OPTN: variants seen among roughly 807,000 people sequenced by gnomAD.
OPTN encodes the protein E3-14.7K-interacting protein.
OPTN carries 54 observed loss-of-function variants against 70.4 expected under a neutral mutation model. The ratio of observed to expected loss-of-function variants is 0.77; its 90% CI spans 0.62 to 0.96. OPTN has a LOEUF of 0.96. Among genes scored for constraint, OPTN ranks in the 40% least tolerant of loss-of-function variants. The pLI, the probability that OPTN is intolerant of heterozygous loss-of-function variation, is 0.00. For synonymous variants in OPTN, 256 were observed against 248.5 expected (o/e 1.03, Z -0.28); for missense variants, 624 against 673.2 (o/e 0.93, Z 0.81).
At chr10:13,118,024 G>GA (rs1439012614) in intron 6 of OPTN, among the ~76,000 whole-genome samples, 41 of 152,316 alleles carry the variant, frequency 2.7e-4, no homozygotes, top group African/African-American at 9.9e-4. Context: ...AGCCCTGGTT[G>GA]AAATATCAAA....
At chr10:13,114,959 A>G (rs1833118042) in intron 5 of OPTN, among the ~76,000 whole-genome samples, 1 of 35,580 alleles carries the variant, frequency 2.8e-5, no homozygotes, top group Non-Finnish European at 4.8e-5. Context: ...AGATATATCT[A>G]TATTTATATA....
intron 1 of OPTN, among the ~76,000 whole-genome samples, chr10:13,101,116 G>A (rs970765725): frequency 9.2e-5 from 14 of 152,284 alleles, no homozygotes; most frequent in Middle Eastern, 3.4e-3. Flanking sequence ...TGCCTCCCAG[G>A]ACAGGCCCAG....
At position 13,127,512 on chromosome 10, in the gene OPTN, T is replaced by G. The variant is rs10796028; in HGVS notation, c.1243-233T>G. Among the ~76,000 whole-genome samples, 40,581 of 151,904 alleles carry G rather than the reference T, an allele frequency of 0.27. 5,460 individuals are homozygous for G. The highest frequency in any genetic ancestry group is 0.35 in the South Asian group (1,666 of 4,812). ...AACTTTCTGAATAAGTTAGCGTTGCTGATTAATAGACTGGTTAGAGCTGAT... is the reference window on the plus strand; with the variant it reads ...AACTTTCTGAATAAGTTAGCGTTGCGGATTAATAGACTGGTTAGAGCTGAT... On this transcript the variant is annotated intron_variant, in intron 11 of 14. Coordinates refer to ENST00000378747, the MANE Select transcript of OPTN (RefSeq NM_001008212.2).
At chr10:13,104,750 A>G (rs1476938403) in intron 1 of OPTN, 1 of 663,684 alleles carries the variant, frequency 1.5e-6, no homozygotes, top group African/African-American at 1.8e-5. Context: ...TTTCAATGAT[A>G]ACTTCTTGTC....
chr10:13,106,829 C>T (rs1337486666), intron 1 of OPTN, among the ~76,000 whole-genome samples: 1 of 152,180 alleles, frequency 6.6e-6, no homozygotes, highest in Non-Finnish European at 1.5e-5. Flanking sequence ...AGGCAGTGCT[C>T]TTATCTCTAT....
chr10:13,110,765 C>T (rs557178658), intron 4 of OPTN, among the ~76,000 whole-genome samples: 25 of 152,226 alleles, frequency 1.6e-4, no homozygotes, highest in African/African-American at 5.8e-4. Flanking sequence ...ATAGATGGTG[C>T]AGATGGGCCT....
intron 1 of OPTN, among the ~76,000 whole-genome samples, chr10:13,106,082 C>T (rs1832860152): frequency 6.6e-6 from 1 of 152,056 alleles, no homozygotes; most frequent in Non-Finnish European, 1.5e-5. Flanking sequence ...CTGCTTAGAT[C>T]CTTTCTTTAA....
chr10:13,116,413 G>T (rs1441680377), intron 6 of OPTN, 73 bp downstream of exon 6: 1 of 1,022,646 alleles, frequency 9.8e-7, no homozygotes, highest in Admixed American at 1.7e-5. Flanking sequence ...TGTCACCGGA[G>T]GTCAAATGTT....
chr10:13,130,585 TCCACTG>T (rs1052623362), intron 12 of OPTN, among the ~76,000 whole-genome samples: 10 of 152,192 alleles, frequency 6.6e-5, no homozygotes, highest in African/African-American at 2.4e-4. Flanking sequence ...ACACCCATGA[TCCACTG>T]CCAACACTGT....
intron 11 of OPTN, 75 bp from the exon 12 acceptor site, chr10:13,127,670 A>G: frequency 6.7e-7 from 1 of 1,490,124 alleles, no homozygotes; most frequent in Non-Finnish European, 9.3e-7. Context: ...AAAAAAATAA[A>G]CCTTTTTCTA....
At chr10:13,115,881 G>A (rs769837387) in intron 5 of OPTN, among the ~76,000 whole-genome samples, 11 of 151,750 alleles carry the variant, frequency 7.2e-5, no homozygotes, top group Non-Finnish European at 1.5e-4. Context: ...GTGAGTTCTA[G>A]CATTTTGCAT....
intron 14 of OPTN, among the ~76,000 whole-genome samples, chr10:13,134,026 C>G (rs1833648148): frequency 6.6e-6 from 1 of 152,128 alleles, no homozygotes; most frequent in Non-Finnish European, 1.5e-5. Context: ...CCAGGCTGGT[C>G]TCGAACTCCT....
At chr10:13,129,095 T>C (rs1476171270) in intron 12 of OPTN, among the ~76,000 whole-genome samples, 2 of 152,210 alleles carry the variant, frequency 1.3e-5, no homozygotes, top group African/African-American at 4.8e-5. Flanking sequence ...TCTTACCTTT[T>C]ACATTAAGAT....
rs146008055 is a variant in OPTN, at chr10:13,104,903, C to A, written c.-163-3235C>A. The A allele has an allele frequency of 2.1e-5, 6 of 279,746 alleles. No individual in the cohort carries two copies. In the East Asian group the frequency reaches 4.4e-4, roughly 20 times the overall value. The allele number at this position is 279,746 out of a possible 1,614,324, so 17.3% of individuals were successfully genotyped here. ...CCGACCGCAGGACCGGGAGGCGAGT[C>A]GGCCAGAAAGAGGTGCAGTGGCTGC... On this transcript the variant is annotated intron_variant, in intron 1 of 14. Transcript: ENST00000378747.
intron 12 of OPTN, 98 bp from the exon 13 acceptor site, chr10:13,131,969 C>T (rs1283179455): frequency 4.2e-6 from 5 of 1,189,194 alleles, no homozygotes; most frequent in Admixed American, 1.8e-5. Flanking sequence ...TTCACAAGGG[C>T]TATTGAAGGA....
intron 12 of OPTN, chr10:13,131,241 A>G (rs915706096): frequency 6.6e-6 from 1 of 152,306 alleles, no homozygotes; most frequent in Non-Finnish European, 1.5e-5. Context: ...GATCCAACAG[A>G]GAGCAAGGAG....
At chr10:13,118,760 G>C in intron 6 of OPTN, 128 bp from the exon 7 acceptor site, 1 of 833,578 alleles carries the variant, frequency 1.2e-6, no homozygotes, top group Non-Finnish European at 2.0e-6. Context: ...TTGTTCACTA[G>C]TTGAGAATTA....
rs368067330 is a variant in OPTN, at chr10:13,137,228, G to A, written c.*362G>A. 4.3e-5 allele frequency: 17 copies of A among 399,346 alleles called. 2 individuals are homozygous for A. The highest frequency in any genetic ancestry group is 2.3e-4 in the Admixed American group (6 of 26,554). 24.7% of individuals were successfully genotyped at this position (399,346 alleles called of 1,614,324 possible). ...CAGGAAGTGGCAGTTGCAGTGAGCC[G>A]AGACGACACCACTGCACTCCAGCCT... On this transcript the variant is annotated 3_prime_UTR_variant, in exon 15 of 15. Transcript: ENST00000378747.
intron 10 of OPTN, 52 bp from the exon 11 acceptor site, chr10:13,125,894 G>C: frequency 7.4e-7 from 1 of 1,349,448 alleles, no homozygotes; most frequent in East Asian, 2.3e-5. Flanking sequence ...AAGACTATAA[G>C]TTTCTATGAT....
Sources: allele counts gnomAD v4.1 joint callset (sites outside exome capture counted in the v4.1 genomes callset), GRCh38; gene constraint gnomAD v4.1.1; transcripts MANE v1.5; gene names NCBI Gene and HGNC (gene_info 2026-07-23, HGNC 2026-07-21).